The following TMEM132D variants were observed in gnomAD, a reference collection of about 807,000 sequenced individuals.
TMEM132D encodes mature OL transmembrane protein.
A neutral mutation model predicts 62.3 loss-of-function variants in TMEM132D; 21 were observed. The observed-to-expected ratio is 0.34, with a 90% CI of 0.24 to 0.49. The LOEUF is 0.49. Among genes scored for constraint, TMEM132D ranks in the 20% least tolerant of loss-of-function variants. The pLI is 0.99. For synonymous variants in TMEM132D, 621 were observed against 575.6 expected (o/e 1.08, Z -1.13); for missense variants, 1,346 against 1,402.8 (o/e 0.96, Z 0.65).
chr12:129,792,030 T>C (rs1240173162), intron 1 of TMEM132D, among the ~76,000 whole-genome samples: 1 of 152,138 alleles, frequency 6.6e-6, no homozygotes, highest in Admixed American at 6.5e-5. Flanking sequence ...GGCAAAGCTT[T>C]GGGGGATACG....
At chr12:129,843,214 A>C (rs772699935) in intron 1 of TMEM132D, among the ~76,000 whole-genome samples, 1 of 152,220 alleles carries the variant, frequency 6.6e-6, no homozygotes, top group African/African-American at 2.4e-5. Flanking sequence ...TCTGATCCAC[A>C]TAAGACTGTT....
chr12:129,234,612 C>G (rs957676992), intron 4 of TMEM132D, among the ~76,000 whole-genome samples: 1 of 152,234 alleles, frequency 6.6e-6, no homozygotes, highest in South Asian at 2.1e-4. Flanking sequence ...TCTGCTTTTA[C>G]AAAAATGAAG....
chr12:129,660,492 C>A (rs996232656), intron 2 of TMEM132D, among the ~76,000 whole-genome samples: 2 of 152,146 alleles, frequency 1.3e-5, no homozygotes, highest in African/African-American at 4.8e-5. Context: ...TGGACTGTCA[C>A]GTCCAATGTT....
intron 4 of TMEM132D, among the ~76,000 whole-genome samples, chr12:129,318,028 T>C (rs1462705112): frequency 6.6e-6 from 1 of 152,196 alleles, no homozygotes; most frequent in Non-Finnish European, 1.5e-5. Flanking sequence ...ATTCCTTGAA[T>C]ATTTCTCCCT....
At chr12:129,145,528 C>G (rs1465721263) in intron 5 of TMEM132D, among the ~76,000 whole-genome samples, 1 of 152,096 alleles carries the variant, frequency 6.6e-6, no homozygotes, top group Non-Finnish European at 1.5e-5. Context: ...GTGATCGCAA[C>G]ATCACAAGCT....
intron 2 of TMEM132D, among the ~76,000 whole-genome samples, chr12:129,599,448 T>C (rs983762045): frequency 5.9e-5 from 9 of 152,218 alleles, no homozygotes; most frequent in African/African-American, 1.7e-4. Flanking sequence ...ACAGTGAATT[T>C]AAACCTAAAA....
chr12:129,371,425 T>C lies in TMEM132D; in HGVS notation c.1116-33608A>G, dbSNP rs1285510642. ...ATTATGATGATGATGATGGTGATAA[T>C]GGAGATGATGATGATGTGATATTGA... On this transcript the variant is annotated intron_variant, in intron 3 of 8. Transcript: ENST00000422113. This position sits in a 1 kb window ranked among gnomAD's most constrained non-coding sequence, Gnocchi z 4.3. Among the ~76,000 whole-genome samples the C allele has an allele frequency of 2.0e-5, 3 of 151,608 alleles. No homozygotes were observed. The highest frequency in any genetic ancestry group is 4.4e-5 in the Non-Finnish European group (3 of 67,938).
At chr12:129,859,446 CAT>C (rs1228269105) in intron 1 of TMEM132D, among the ~76,000 whole-genome samples, 5 of 152,086 alleles carry the variant, frequency 3.3e-5, no homozygotes, top group African/African-American at 7.2e-5. Flanking sequence ...AAAATTACAA[CAT>C]GTGATGGTTA....
At chr12:129,374,277 G>GAGAGAGAGAGAGAA (rs1426623400) in intron 3 of TMEM132D, among the ~76,000 whole-genome samples, 4 of 151,750 alleles carry the variant, frequency 2.6e-5, no homozygotes, top group Non-Finnish European at 5.9e-5. Context: ...ATCAGAGAGA[G>GAGAGAGAGAGAGAA]AGAGAGAGAG....
chr12:129,373,472 A>G (rs573549415), intron 3 of TMEM132D, among the ~76,000 whole-genome samples: 2 of 151,914 alleles, frequency 1.3e-5, no homozygotes, highest in African/African-American at 4.8e-5. Context: ...CTCTACTAAA[A>G]ATACAAAAAA....
rs1565908513 is a variant in TMEM132D, at chr12:129,573,768, G to GCT, written c.969-42564_969-42563insAG. 1.5e-3 allele frequency among the ~76,000 whole-genome samples: 231 copies of GCT among 152,112 alleles called. 1 individual carries two copies. The highest frequency in any genetic ancestry group is 5.2e-3 in the African/African-American group (216 of 41,436). Reference sequence around the variant, plus strand: ...ACTGAATAGTTCCACAGCAGGGAAAGATAACAGTGTCTTCCACATGCAACT... The same window carrying GCT: ...ACTGAATAGTTCCACAGCAGGGAAAGCTATAACAGTGTCTTCCACATGCAACT... On this transcript the variant is annotated intron_variant, in intron 2 of 8. Coordinates refer to ENST00000422113, the MANE Select transcript of TMEM132D (RefSeq NM_133448.3).
chr12:129,861,477 C>T (rs969790448), intron 1 of TMEM132D, among the ~76,000 whole-genome samples: 2 of 152,132 alleles, frequency 1.3e-5, no homozygotes, highest in African/African-American at 4.8e-5. Context: ...AAATGATTAC[C>T]AGGCTGGGCC....
intron 2 of TMEM132D, among the ~76,000 whole-genome samples, chr12:129,593,195 T>C (rs1030098687): frequency 3.3e-5 from 5 of 152,206 alleles, no homozygotes; most frequent in Non-Finnish European, 7.3e-5. Context: ...TGGAAAGTCC[T>C]TCTGACTTTC....
At chr12:129,261,854 G>T (rs1377019236) in intron 4 of TMEM132D, among the ~76,000 whole-genome samples, 2 of 152,182 alleles carry the variant, frequency 1.3e-5, no homozygotes, top group Non-Finnish European at 2.9e-5. Flanking sequence ...TCCAAATACA[G>T]TCACGTTCTG....
intron 5 of TMEM132D, among the ~76,000 whole-genome samples, chr12:129,093,490 T>C (rs534872798): frequency 3.3e-5 from 5 of 151,964 alleles, no homozygotes; most frequent in Admixed American, 6.6e-5. Flanking sequence ...ATGTGAAGGA[T>C]CTCTTCAAGG....
chr12:129,371,066 T>G lies in TMEM132D; in HGVS notation c.1116-33249A>C, dbSNP rs1870583178. On this transcript the variant is annotated intron_variant, in intron 3 of 8. Transcript: ENST00000422113. This position sits in a 1 kb window ranked among gnomAD's most constrained non-coding sequence, Gnocchi z 4.3. ...TCTCAACACAAAAAACAGATAAATATTTGATGTGATAGACCCAATTACCTT... is the reference window on the plus strand; with the variant it reads ...TCTCAACACAAAAAACAGATAAATAGTTGATGTGATAGACCCAATTACCTT... Among the ~76,000 whole-genome samples, 1 of 152,140 alleles carries G rather than the reference T, an allele frequency of 6.6e-6. No homozygotes were observed. Among genetic ancestry groups the G allele is most frequent in the African/African-American group, 2.4e-5 (1 of 41,424 alleles).
At chr12:129,747,294 T>G (rs528094417) in intron 1 of TMEM132D, among the ~76,000 whole-genome samples, 1 of 148,164 alleles carries the variant, frequency 6.7e-6, no homozygotes, top group East Asian at 2.0e-4. Context: ...CCGCCTCAAG[T>G]TGACTTTTCT....
At chr12:129,841,258 AAAGG>A (rs1311300216) in intron 1 of TMEM132D, among the ~76,000 whole-genome samples, 3 of 152,150 alleles carry the variant, frequency 2.0e-5, no homozygotes, top group African/African-American at 7.2e-5. Context: ...TCAAATCTCA[AAAGG>A]AAGAAAGAAA....
chr12:129,874,694 A>ATTT (rs1874359239), intron 1 of TMEM132D, among the ~76,000 whole-genome samples: 1 of 124,054 alleles, frequency 8.1e-6, no homozygotes, highest in Non-Finnish European at 1.7e-5. Context: ...TGTTTTTCAC[A>ATTT]TTTTTCTTTT....
Sources: gnomAD v4.1 joint callset for allele counts (sites outside exome capture counted in the v4.1 genomes callset) on GRCh38, gnomAD v4.1.1 for gene constraint, Gnocchi (gnomAD v3.1) non-coding constraint, MANE v1.5 for transcripts, NCBI Gene and HGNC (gene_info 2026-07-23, HGNC 2026-07-21) for gene names.